The following LRRC37A2 variants were observed in gnomAD, a reference collection of about 807,000 sequenced individuals.
The protein encoded by LRRC37A2 is leucine rich repeat containing 37 member A2, also known as leucine-rich repeat-containing protein 37A2.
LRRC37A2 carries 9 observed loss-of-function variants against 68.8 expected under a neutral mutation model. That is an observed-to-expected ratio of 0.13 (90% CI 0.08 to 0.23). The LOEUF is 0.23. Among genes scored for constraint, LRRC37A2 ranks in the 10% least tolerant of loss-of-function variants. The probability of loss-of-function intolerance (pLI) is 1.00; values close to 1 mark genes in which losing one functional copy is unlikely to be tolerated. For missense variants in LRRC37A2, 168 were observed against 950.4 expected (o/e 0.18, Z 10.82); for synonymous variants, 63 against 367.6 (o/e 0.17, Z 9.48).
the LRRC37A2 span, among the ~76,000 whole-genome samples, chr17:46,477,579 A>G: frequency 1.5e-5 from 1 of 66,370 alleles, no homozygotes; most frequent in African/African-American, 4.7e-5. Flanking sequence ...TGTCAGAGGA[A>G]GTGGGAGTTT....
the LRRC37A2 span, chr17:46,923,530 C>G: frequency 7.4e-7 from 1 of 1,345,300 alleles, no homozygotes; most frequent in Non-Finnish European, 9.5e-7. Flanking sequence ...TTGTCCAGCA[C>G]TTGTCAACTC....
chr17:46,744,671 TG>T, the LRRC37A2 span, among the ~76,000 whole-genome samples: 1 of 152,222 alleles, frequency 6.6e-6, no homozygotes, highest in Non-Finnish European at 1.5e-5. Context: ...ATCAGTTTAT[TG>T]GGTCCAATCA....
chr17:46,638,527 G>A, the LRRC37A2 span, among the ~76,000 whole-genome samples: 1 of 41,238 alleles, frequency 2.4e-5, no homozygotes, highest in African/African-American at 1.5e-4. Context: ...ACAGGCATGC[G>A]CCACCACACC....
the LRRC37A2 span, among the ~76,000 whole-genome samples, chr17:46,745,397 T>G: frequency 6.6e-6 from 1 of 152,336 alleles, no homozygotes; most frequent in Admixed American, 6.5e-5. Context: ...CATGACCTCT[T>G]TGCAGTTTTT....
chr17:47,037,402 G>A, the LRRC37A2 span, among the ~76,000 whole-genome samples: 1 of 152,060 alleles, frequency 6.6e-6, no homozygotes, highest in Non-Finnish European at 1.5e-5. Flanking sequence ...ACCGTGCCCG[G>A]CCAATAAATG....
chr17:46,979,167 G>A, the LRRC37A2 span: 1 of 756,970 alleles, frequency 1.3e-6, no homozygotes, highest in Non-Finnish European at 1.9e-6. Flanking sequence ...CTCTCGGGCC[G>A]CCTACCCCTG....
At chr17:46,823,414 C>A in the LRRC37A2 span, among the ~76,000 whole-genome samples, 1 of 150,788 alleles carries the variant, frequency 6.6e-6, no homozygotes, top group Non-Finnish European at 1.5e-5. Context: ...CAGGGTTTCA[C>A]CGTGTTGGCC....
At chr17:46,812,571 C>G in the LRRC37A2 span, among the ~76,000 whole-genome samples, 3 of 152,128 alleles carry the variant, frequency 2.0e-5, no homozygotes, top group Non-Finnish European at 4.4e-5. Context: ...CTCTGGGGGT[C>G]GGGGAATGAT....
At chr17:46,906,910 A>G in the LRRC37A2 span, among the ~76,000 whole-genome samples, 1 of 152,182 alleles carries the variant, frequency 6.6e-6, no homozygotes, top group African/African-American at 2.4e-5. Context: ...ACAGAGTCCT[A>G]CCTGGAGCTC....
At chr17:46,494,832 A>C in the LRRC37A2 span, among the ~76,000 whole-genome samples, 3 of 151,142 alleles carry the variant, frequency 2.0e-5, no homozygotes, top group Non-Finnish European at 4.4e-5. Flanking sequence ...TATTGGGAAG[A>C]TAACAAATGT....
the LRRC37A2 span, chr17:46,751,666 C>A: frequency 1.7e-6 from 2 of 1,193,984 alleles, no homozygotes; most frequent in Non-Finnish European, 2.5e-6. Flanking sequence ...AGCTTCAGGA[C>A]ACACCAAGAG....
chr17:46,868,593 T>TA, the LRRC37A2 span, among the ~76,000 whole-genome samples: 3 of 150,144 alleles, frequency 2.0e-5, no homozygotes, highest in Non-Finnish European at 2.9e-5. Flanking sequence ...GAGACTCGAT[T>TA]AAAAAACAAA....
the LRRC37A2 span, chr17:47,018,427 T>C: frequency 1.3e-6 from 2 of 1,584,362 alleles, no homozygotes; most frequent in East Asian, 4.5e-5. Flanking sequence ...AGTGTCTCTG[T>C]GAAGCCTCCA....
chr17:46,920,799 C>T, the LRRC37A2 span, among the ~76,000 whole-genome samples: 12 of 152,286 alleles, frequency 7.9e-5, no homozygotes, highest in African/African-American at 2.2e-4. Flanking sequence ...CTGCACTAGG[C>T]GCAACAGGCC....
chr17:46,901,161 TTTA>T, the LRRC37A2 span, among the ~76,000 whole-genome samples: 15 of 152,062 alleles, frequency 9.9e-5, no homozygotes, highest in East Asian at 2.9e-3. Flanking sequence ...TTATTTTTAT[TTTA>T]TTATTATTAT....
At chr17:46,938,730 C>T in the LRRC37A2 span, 1 of 1,613,994 alleles carries the variant, frequency 6.2e-7, no homozygotes, top group East Asian at 2.2e-5. Context: ...CCTGTGTGGT[C>T]ATGTTCCTCG....
the LRRC37A2 span, among the ~76,000 whole-genome samples, chr17:46,870,158 C>T: frequency 1.3e-5 from 2 of 152,160 alleles, no homozygotes; most frequent in African/African-American, 4.8e-5. Context: ...GCTTGCTCTC[C>T]CCTCTGTCAA....
the LRRC37A2 span, chr17:46,875,143 C>A: frequency 6.2e-7 from 1 of 1,613,996 alleles, no homozygotes; most frequent in Non-Finnish European, 8.5e-7. Flanking sequence ...TCCTCTGCCG[C>A]CCTCACCCAC....
chr17:46,948,574 T>C, the LRRC37A2 span: 1 of 152,398 alleles, frequency 6.6e-6, no homozygotes, highest in African/African-American at 2.4e-5. Context: ...AGCCTCAGTG[T>C]CCTCGTAGGG....
Sources: gnomAD v4.1 joint callset for allele counts (sites outside exome capture counted in the v4.1 genomes callset) on GRCh38, gnomAD v4.1.1 for gene constraint, MANE v1.5 for transcripts, NCBI Gene and HGNC (gene_info 2026-07-23, HGNC 2026-07-21) for gene names.